SAMD3: variants seen among roughly 807,000 people sequenced by gnomAD.
The protein encoded by SAMD3 is sterile alpha motif domain containing 3, also known as sterile alpha motif domain-containing protein 3.
A neutral mutation model predicts 58.5 loss-of-function variants in SAMD3; 63 were observed. The ratio of observed to expected loss-of-function variants is 1.08; its 90% CI spans 0.88 to 1.33. The LOEUF is 1.33. Among genes scored for constraint, SAMD3 ranks in the 40% most tolerant of loss-of-function variants. The pLI is 0.00. For missense variants in SAMD3, 604 were observed against 608.4 expected, an observed-to-expected ratio of 0.99 and a Z score of 0.08; for synonymous variants, 220 against 210.3, an observed-to-expected ratio of 1.05 and a Z score of -0.40.
intron 2 of SAMD3, among the ~76,000 whole-genome samples, chr6:130,288,136 A>T (rs1419451919): frequency 6.6e-6 from 1 of 152,232 alleles, no homozygotes; most frequent in African/African-American, 2.4e-5. Context: ...TATGAGTCAG[A>T]GTACTCTAGA....
At chr6:130,195,152 A>T (rs1056093980) in intron 5 of SAMD3, among the ~76,000 whole-genome samples, 1 of 152,100 alleles carries the variant, frequency 6.6e-6, no homozygotes, top group African/African-American at 2.4e-5. Context: ...CCTGGACTAC[A>T]GCCGCATCTC....
intron 10 of SAMD3, 86 bp downstream of exon 10, chr6:130,145,924 A>AATT: frequency 2.7e-6 from 2 of 740,568 alleles, no homozygotes; most frequent in Non-Finnish European, 3.9e-6. Flanking sequence ...TAAACTACTG[A>AATT]ATTTTACTGA....
chr6:130,171,213 T>G (rs1791218853), intron 8 of SAMD3, among the ~76,000 whole-genome samples: 2 of 152,218 alleles, frequency 1.3e-5, no homozygotes, highest in African/African-American at 4.8e-5. Context: ...GTTTTTGTCA[T>G]TGGTTCTGTT....
chr6:130,181,780 C>T (rs193091190), intron 7 of SAMD3, among the ~76,000 whole-genome samples: 13 of 152,108 alleles, frequency 8.5e-5, no homozygotes, highest in Admixed American at 5.9e-4. Context: ...TCTATTTATA[C>T]CCTTTTGTAG....
At chr6:130,295,261 A>T (rs12194184) in intron 2 of SAMD3, among the ~76,000 whole-genome samples, 42,721 of 152,016 alleles carry the variant, frequency 0.28, 6,437 homozygotes, top group East Asian at 0.45. Context: ...TCAGTTACAA[A>T]GTTTTCAGCT....
At chr6:130,206,282 G>A (rs1007071413) in intron 5 of SAMD3, among the ~76,000 whole-genome samples, 16 of 152,246 alleles carry the variant, frequency 1.1e-4, no homozygotes, top group Middle Eastern at 3.4e-3. Flanking sequence ...CTTTGGAGTT[G>A]GTACTAGGGC....
chr6:130,321,671 A>G (rs539885054), intron 1 of SAMD3, among the ~76,000 whole-genome samples: 134 of 151,026 alleles, frequency 8.9e-4, no homozygotes, highest in Middle Eastern at 3.4e-3. Flanking sequence ...TATATGTTAT[A>G]TATGTGCTAA....
intron 1 of SAMD3, among the ~76,000 whole-genome samples, chr6:130,330,930 T>C (rs1489126632): frequency 3.3e-5 from 5 of 152,224 alleles, no homozygotes; most frequent in African/African-American, 9.6e-5. Context: ...TTGCTGACAT[T>C]GATACTAAAA....
intron 9 of SAMD3, among the ~76,000 whole-genome samples, chr6:130,151,637 CTCCACGT>C (rs922875078): frequency 6.6e-6 from 1 of 152,132 alleles, no homozygotes; most frequent in Non-Finnish European, 1.5e-5. Flanking sequence ...GACAGTGTTT[CTCCACGT>C]TGGTCAGCCT....
chr6:130,205,049 T>C (rs1439072924), intron 5 of SAMD3, among the ~76,000 whole-genome samples: 1 of 151,680 alleles, frequency 6.6e-6, no homozygotes, highest in Non-Finnish European at 1.5e-5. Context: ...CACCTCTCTC[T>C]ACCTCTTGAA....
At chr6:130,176,156 TTCC>T in intron 7 of SAMD3, 148 bp from the exon 8 acceptor site, 1 of 713,444 alleles carries the variant, frequency 1.4e-6, no homozygotes, top group Non-Finnish European at 2.5e-6. Flanking sequence ...ATATCTATCC[TTCC>T]TTTTATCCTC....
intron 2 of SAMD3, among the ~76,000 whole-genome samples, chr6:130,233,741 T>A (rs146189111): frequency 6.6e-6 from 1 of 152,368 alleles, no homozygotes; most frequent in East Asian, 1.9e-4. Context: ...ATTTATAAGA[T>A]GAATCTAGTG....
chr6:130,217,960 A>T (rs1207461268), intron 1 of SAMD3, among the ~76,000 whole-genome samples: 1 of 152,186 alleles, frequency 6.6e-6, no homozygotes, highest in Non-Finnish European at 1.5e-5. Context: ...CCTGGCGTGT[A>T]AAAAAGAAGG....
At chr6:130,271,508 T>G (rs140056276) in intron 2 of SAMD3, among the ~76,000 whole-genome samples, 1 of 152,240 alleles carries the variant, frequency 6.6e-6, no homozygotes, top group African/African-American at 2.4e-5. Context: ...ATCTATCCAG[T>G]GTTTTTTAAA....
intron 2 of SAMD3, among the ~76,000 whole-genome samples, chr6:130,274,614 G>A (rs1774706140): frequency 6.7e-6 from 1 of 150,010 alleles, no homozygotes; most frequent in African/African-American, 2.5e-5. Flanking sequence ...TGGCTTGGAG[G>A]AGGGGCTGAC....
chr6:130,154,774 G>A (rs1474122842), intron 9 of SAMD3, 51 bp downstream of exon 9: 15 of 777,982 alleles, frequency 1.9e-5, no homozygotes, highest in Non-Finnish European at 3.1e-5. Flanking sequence ...ATATGTGTGT[G>A]TGTGTATATA....
chr6:130,204,492 G>A (rs1794906633), intron 5 of SAMD3, among the ~76,000 whole-genome samples: 1 of 151,928 alleles, frequency 6.6e-6, no homozygotes, highest in Admixed American at 6.6e-5. Flanking sequence ...CTGCAGTGAG[G>A]ATACTGAGGT....
chr6:130,330,704 G>A (rs1219316727), intron 1 of SAMD3, among the ~76,000 whole-genome samples: 1 of 152,172 alleles, frequency 6.6e-6, no homozygotes, highest in Admixed American at 6.5e-5. Flanking sequence ...AAAAATTACT[G>A]GTGGAAGGGG....
chr6:130,163,033 C>T (rs958664915), intron 8 of SAMD3, among the ~76,000 whole-genome samples: 5 of 152,180 alleles, frequency 3.3e-5, no homozygotes, highest in Non-Finnish European at 7.3e-5. Context: ...CTGCATTTGC[C>T]TCCCAAGTAG....
Sources: gnomAD v4.1 joint callset for allele counts (sites outside exome capture counted in the v4.1 genomes callset) on GRCh38, gnomAD v4.1.1 for gene constraint, MANE v1.5 for transcripts, NCBI Gene and HGNC (gene_info 2026-07-23, HGNC 2026-07-21) for gene names.